Variants in GAS7 observed in about 807,000 individuals in gnomAD.
The protein encoded by GAS7 is growth arrest specific 7, also known as growth arrest-specific protein 7.
A neutral mutation model predicts 71.1 loss-of-function variants in GAS7; 28 were observed. That is an observed-to-expected ratio of 0.39 (90% confidence interval 0.29 to 0.54). The LOEUF (loss-of-function observed/expected upper bound fraction) is 0.54, where lower values mean the gene tolerates loss of function less well. GAS7 is among the 20% of genes least tolerant of loss of function. The probability of loss-of-function intolerance (pLI) is 0.62; values close to 1 mark genes in which losing one functional copy is unlikely to be tolerated. For synonymous variants in GAS7, 258 were observed against 245.8 expected (o/e 1.05, Z -0.46); for missense variants, 436 against 627.8 (o/e 0.69, Z 3.27).
intron 5 of GAS7, among the ~76,000 whole-genome samples, chr17:9,952,276 C>T (rs1227291987): frequency 6.6e-6 from 1 of 152,232 alleles, no homozygotes; most frequent in Non-Finnish European, 1.5e-5. Context: ...GGGACAGGGA[C>T]AGCCCCTGGG....
rs75439504 is a variant in GAS7, at chr17:10,093,112, T to C, written c.184-73215A>G. Among the ~76,000 whole-genome samples, 462 of 152,334 alleles carry C rather than the reference T, an allele frequency of 3.0e-3. 2 individuals are homozygous for C. The highest frequency in any genetic ancestry group is 0.011 in the African/African-American group (437 of 41,590). On this transcript the variant is annotated intron_variant, in intron 1 of 13. Transcript: ENST00000432992. ...TTATGTCAATGTCGTTGCTGTGTTTTAGGGTTTTAGGAAAGGGTTCGGGAG... is the reference window on the plus strand; with the variant it reads ...TTATGTCAATGTCGTTGCTGTGTTTCAGGGTTTTAGGAAAGGGTTCGGGAG...
chr17:9,997,159 C>T (rs1567870150), intron 2 of GAS7, among the ~76,000 whole-genome samples: 1 of 136,106 alleles, frequency 7.3e-6, no homozygotes, highest in Non-Finnish European at 1.5e-5. Flanking sequence ...GGGAGAACTA[C>T]TTGAAAAATA....
intron 1 of GAS7, among the ~76,000 whole-genome samples, chr17:10,046,049 T>G (rs1200157882): frequency 1.3e-5 from 2 of 152,182 alleles, no homozygotes; most frequent in Non-Finnish European, 2.9e-5. Context: ...GATCCTTAGT[T>G]GGAAACTCAG....
intron 1 of GAS7, among the ~76,000 whole-genome samples, chr17:10,056,647 G>A (rs749773082): frequency 5.1e-4 from 78 of 152,280 alleles, no homozygotes; most frequent in Middle Eastern, 3.4e-3. Flanking sequence ...CAAGGCAGGT[G>A]GATCACGAGG....
rs983108591 is a variant in GAS7 at position 9,981,185 on chromosome 17, G to A, written c.385+619C>T. ...TGCGCACCTGCAATCGCAGCTACTCGGGAGGCTGGGGAACAAGAATCCATT... is the reference window on the plus strand; with the variant it reads ...TGCGCACCTGCAATCGCAGCTACTCAGGAGGCTGGGGAACAAGAATCCATT... On this transcript the variant is annotated intron_variant, in intron 3 of 13. Coordinates refer to ENST00000432992, the MANE Select transcript of GAS7 (RefSeq NM_201433.2). The surrounding 1 kb of genome is among the most constrained non-coding windows in gnomAD (Gnocchi z 4.4). Among the ~76,000 whole-genome samples the A allele has an allele frequency of 5.3e-5, 8 of 150,562 alleles. No homozygotes were observed. The highest frequency in any genetic ancestry group is 4.0e-4 in the Admixed American group (6 of 15,112).
intron 1 of GAS7, among the ~76,000 whole-genome samples, chr17:10,145,260 C>A (rs2074113087): frequency 6.6e-6 from 1 of 152,180 alleles, no homozygotes; most frequent in African/African-American, 2.4e-5. Context: ...AAGTGCACAT[C>A]AAAAGGAAAG....
At chr17:10,111,978 C>A (rs925718613) in intron 1 of GAS7, among the ~76,000 whole-genome samples, 1 of 152,196 alleles carries the variant, frequency 6.6e-6, no homozygotes, top group African/African-American at 2.4e-5. Context: ...TACAGCCCCT[C>A]AATATAAATT....
chr17:9,934,045 T>G, intron 9 of GAS7, 121 bp downstream of exon 9: 2 of 727,776 alleles, frequency 2.7e-6, no homozygotes, highest in Non-Finnish European at 5.0e-6. Context: ...GACTTCATGT[T>G]GATAGCCTGA....
chr17:9,967,181 T>C (rs1245598746), intron 4 of GAS7, among the ~76,000 whole-genome samples: 2 of 152,084 alleles, frequency 1.3e-5, no homozygotes, highest in Non-Finnish European at 1.5e-5. Context: ...GCTTTTTTTT[T>C]TTTTTTTAAG....
At chr17:10,044,558 T>C (rs898703961) in intron 1 of GAS7, among the ~76,000 whole-genome samples, 1 of 152,244 alleles carries the variant, frequency 6.6e-6, no homozygotes, top group Non-Finnish European at 1.5e-5. Context: ...AATGATAAAC[T>C]AGTATCGAAT....
intron 1 of GAS7, among the ~76,000 whole-genome samples, chr17:10,050,814 CATT>C (rs924496656): frequency 4.6e-5 from 7 of 152,280 alleles, no homozygotes; most frequent in Non-Finnish European, 7.3e-5. Context: ...TCCCCTACAT[CATT>C]GAGATGCAAA....
chr17:9,918,356 C>T lies in GAS7; in HGVS notation c.1219-257G>A, dbSNP rs115399865. Among the ~76,000 whole-genome samples, 1,518 of 152,308 alleles carry T rather than the reference C, an allele frequency of 1.0e-2. 35 individuals carry two copies. The highest frequency in any genetic ancestry group is 0.035 in the African/African-American group (1,439 of 41,558). On this transcript the variant is annotated intron_variant, in intron 12 of 13. Transcript: ENST00000432992. The stretch of plus-strand genomic sequence containing the variant: ...TTTACGTGCGTTCCTTAACTGTCCT[C>T]GTTACAATTTTAAGAGATCGTTTCT...
At position 9,915,353 on chromosome 17, in the gene GAS7, C is replaced by T. The variant is rs987242306; in HGVS notation, c.*1875G>A. On this transcript the variant is annotated 3_prime_UTR_variant, in exon 14 of 14. Coordinates refer to ENST00000432992, the MANE Select transcript of GAS7 (RefSeq NM_201433.2). ...AGCCACAAAGCAATTACCACTAGCACCCATTTTTCATAAAGAAACCAAGAA... is the reference window on the plus strand; with the variant it reads ...AGCCACAAAGCAATTACCACTAGCATCCATTTTTCATAAAGAAACCAAGAA... 15 of 231,140 alleles carry T rather than the reference C, an allele frequency of 6.5e-5. No individual in the cohort carries two copies. Among genetic ancestry groups the T allele is most frequent in the South Asian group, 3.6e-4 (2 of 5,500 alleles). The allele number at this position is 231,140 out of a possible 1,614,324, so 14.3% of individuals were successfully genotyped here.
chr17:10,112,629 G>C (rs1192751874), intron 1 of GAS7, among the ~76,000 whole-genome samples: 4 of 152,028 alleles, frequency 2.6e-5, no homozygotes. Context: ...CAGCTACTCA[G>C]GAGGCTGAAT....
chr17:9,999,051 A>G (rs569889045), intron 2 of GAS7, among the ~76,000 whole-genome samples: 1 of 152,314 alleles, frequency 6.6e-6, no homozygotes, highest in Non-Finnish European at 1.5e-5. Flanking sequence ...TCCATGGAAA[A>G]TCATACCACA....
At chr17:10,148,871 C>T (rs2074142047) in intron 1 of GAS7, among the ~76,000 whole-genome samples, 1 of 144,634 alleles carries the variant, frequency 6.9e-6, no homozygotes, top group Admixed American at 7.0e-5. Context: ...GATGGTGTCA[C>T]TGCACTCCAA....
At chr17:10,154,090 T>C (rs1181345340) in intron 1 of GAS7, among the ~76,000 whole-genome samples, 1 of 152,094 alleles carries the variant, frequency 6.6e-6, no homozygotes, top group African/African-American at 2.4e-5. Context: ...AGAGAAAAGA[T>C]AGAAAGGAAA....
At chr17:10,049,346 C>A (rs1402001254) in intron 1 of GAS7, among the ~76,000 whole-genome samples, 2 of 152,098 alleles carry the variant, frequency 1.3e-5, no homozygotes, top group African/African-American at 2.4e-5. Context: ...CATCAAAGCC[C>A]TCTTTATATC....
At chr17:10,073,218 G>A (rs1274506740) in intron 1 of GAS7, among the ~76,000 whole-genome samples, 4 of 152,168 alleles carry the variant, frequency 2.6e-5, no homozygotes, top group East Asian at 1.9e-4. Flanking sequence ...TGGCTCAGCC[G>A]GAGAAACAAG....
Sources: gnomAD v4.1 joint callset for allele counts (sites outside exome capture counted in the v4.1 genomes callset) on GRCh38, gnomAD v4.1.1 for gene constraint, Gnocchi (gnomAD v3.1) non-coding constraint, MANE v1.5 for transcripts, NCBI Gene and HGNC (gene_info 2026-07-23, HGNC 2026-07-21) for gene names.